Variants in TRAF6 observed in about 807,000 individuals in gnomAD.
TRAF6 encodes the protein TNF receptor associated factor 6, also known as TNF receptor-associated factor 6.
A neutral mutation model predicts 48.4 loss-of-function variants in TRAF6; 10 were observed. The observed-to-expected ratio is 0.21, with a 90% confidence interval of 0.13 to 0.35. TRAF6 has a LOEUF of 0.35. Among genes scored for constraint, TRAF6 ranks in the 10% least tolerant of loss-of-function variants. TRAF6 has a pLI of 1.00. For missense variants in TRAF6, 397 were observed against 661.0 expected (o/e 0.60, Z 4.38); for synonymous variants, 186 against 219.6 (o/e 0.85, Z 1.35).
chr11:36,501,571 A>G, intron 1 of TRAF6, 34 bp from the exon 2 acceptor site: 1 of 1,468,766 alleles, frequency 6.8e-7, no homozygotes, highest in South Asian at 1.3e-5. Flanking sequence ...TGCCTTTATA[A>G]GTAACACACA....
chr11:36,506,523 G>A (rs549170464), intron 1 of TRAF6, among the ~76,000 whole-genome samples: 1 of 152,236 alleles, frequency 6.6e-6, no homozygotes, highest in East Asian at 1.9e-4. Context: ...AAATTATGAA[G>A]CTAGGTGTAT....
intron 1 of TRAF6, among the ~76,000 whole-genome samples, chr11:36,506,771 A>G (rs952461993): frequency 6.6e-6 from 1 of 152,212 alleles, no homozygotes; most frequent in African/African-American, 2.4e-5. Context: ...ATTTGCCTTC[A>G]AGTTTCACAT....
At chr11:36,504,431 A>C (rs1373004170) in intron 1 of TRAF6, among the ~76,000 whole-genome samples, 2 of 152,180 alleles carry the variant, frequency 1.3e-5, no homozygotes, top group East Asian at 3.8e-4. Flanking sequence ...CATCCATAAG[A>C]AGCAACTCCT....
intron 1 of TRAF6, among the ~76,000 whole-genome samples, chr11:36,504,105 G>A (rs1262544637): frequency 6.6e-6 from 1 of 152,152 alleles, no homozygotes; most frequent in Non-Finnish European, 1.5e-5. Context: ...CTGGTAGAGG[G>A]TCCTGCGTCA....
rs1183241142 is a variant in TRAF6, at chr11:36,486,236, A to C, written c.*3602T>G. Among the ~76,000 whole-genome samples the C allele has an allele frequency of 6.6e-6, 1 of 152,072 alleles. No individual in the cohort carries two copies. The highest frequency in any genetic ancestry group is 1.5e-5 in the Non-Finnish European group (1 of 68,028). On this transcript the variant is annotated 3_prime_UTR_variant, in exon 7 of 7. Transcript: ENST00000526995. ...TGTATTTTTATAGAGATGGGGTTTC[A>C]CCATTTTGGCCAGGCTGGTCTCGAA...
In TRAF6 at chr11:36,501,451, G is replaced by A; in HGVS notation, c.65C>T (p.Ala22Val). ...SSQSESDCCV[A>V]MASSCSAVTK... Reference sequence around the variant, plus strand: ...TACAGCGCTACAGGAGCTGGCCATGGCCACACAGCAGTCACTTTCAGACTG... The same window carrying A: ...TACAGCGCTACAGGAGCTGGCCATGACCACACAGCAGTCACTTTCAGACTG... Residue 22 changes from alanine (A) to valine (V), a missense_variant, in exon 2 of 7, where the codon GCC becomes GTC. Transcript: ENST00000526995. 6.2e-7 allele frequency: 1 copy of A among 1,614,048 alleles called. No homozygotes were observed. Among genetic ancestry groups the A allele is most frequent in the South Asian group, 1.1e-5 (1 of 91,080 alleles).
At chr11:36,496,169 T>C (rs1859629776) in intron 4 of TRAF6, among the ~76,000 whole-genome samples, 1 of 152,192 alleles carries the variant, frequency 6.6e-6, no homozygotes, top group Non-Finnish European at 1.5e-5. Flanking sequence ...ATTTCAGGGT[T>C]AGCTTTTTTT....
Position 36,501,207 on chromosome 11 carries a change from T to G in TRAF6, c.296+13A>C. On this transcript the variant is annotated intron_variant, in intron 2 of 6. Transcript: ENST00000526995. ...TCTGTTATAGGACACCATTTTTTCTTATGCTCACGTACCTTATTGATTTTA... is the reference window on the plus strand; with the variant it reads ...TCTGTTATAGGACACCATTTTTTCTGATGCTCACGTACCTTATTGATTTTA... 13 of 1,553,752 alleles carry G rather than the reference T, an allele frequency of 8.4e-6. No homozygotes were observed. Among genetic ancestry groups the G allele is most frequent in the Non-Finnish European group, 1.0e-5 (12 of 1,145,156 alleles).
Position 36,487,124 on chromosome 11 carries a change from A to C in TRAF6, c.*2714T>G, listed in dbSNP as rs1421705096. On this transcript the variant is annotated 3_prime_UTR_variant, in exon 7 of 7. Transcript: ENST00000526995. ...ACAAAACAAAACAACCTTTAGTTGA[A>C]CATCTCCAGAAAAAAGTGGAAACAA... 2.0e-5 allele frequency: 3 copies of C among 152,216 alleles called. No homozygotes were observed. The highest frequency in any genetic ancestry group is 7.2e-5 in the African/African-American group (3 of 41,462). 9.4% of individuals were successfully genotyped at this position (152,216 alleles called of 1,614,324 possible).
intron 1 of TRAF6, among the ~76,000 whole-genome samples, chr11:36,509,719 G>A (rs541757898): frequency 6.6e-6 from 1 of 152,262 alleles, no homozygotes; most frequent in Admixed American, 6.5e-5. Flanking sequence ...CAGGGGACAG[G>A]GAACGGTGTC....
rs1366924242 is a variant in TRAF6, at chr11:36,507,184, T to C, written c.-23+2864A>G. 7.8e-3 allele frequency among the ~76,000 whole-genome samples: 663 copies of C among 85,108 alleles called. 25 individuals carry two copies. The highest frequency in any genetic ancestry group is 0.029 in the African/African-American group (627 of 21,770). 55.8% of individuals were successfully genotyped at this position (85,108 alleles called of 152,430 possible). ...TGTATTATACATACATAAATGTATATATGTATATATACATGTATTATACAT... is the reference window on the plus strand; with the variant it reads ...TGTATTATACATACATAAATGTATACATGTATATATACATGTATTATACAT... On this transcript the variant is annotated intron_variant, in intron 1 of 6. Coordinates refer to ENST00000526995, the MANE Select transcript of TRAF6 (RefSeq NM_004620.4).
At chr11:36,505,439 T>C (rs5030495) in intron 1 of TRAF6, among the ~76,000 whole-genome samples, 2,013 of 152,336 alleles carry the variant, frequency 0.013, 32 homozygotes, top group East Asian at 0.07. Flanking sequence ...AACTTTTCTT[T>C]TGCAGCTTCC....
rs568101484 is a variant in TRAF6 at position 36,489,249 on chromosome 11, C to T, written c.*589G>A. The T allele has an allele frequency of 2.6e-5, 4 of 153,042 alleles. No individual in the cohort carries two copies. In the South Asian group the frequency reaches 8.3e-4, roughly 32 times the overall value. 9.5% of individuals were successfully genotyped at this position (153,042 alleles called of 1,614,324 possible). ...GTTATATTTAGGGTTTAAACTCATC[C>T]CTGAATATCCTTAGTAACAACCTGG... On this transcript the variant is annotated 3_prime_UTR_variant, in exon 7 of 7. Coordinates refer to ENST00000526995, the MANE Select transcript of TRAF6 (RefSeq NM_004620.4).
intron 4 of TRAF6, chr11:36,496,265 T>TAC (rs1859631321): frequency 6.6e-6 from 1 of 152,156 alleles, no homozygotes; most frequent in African/African-American, 2.4e-5. Context: ...TGTTAGGCAC[T>TAC]ACCAAGTTTC....
intron 3 of TRAF6, 148 bp from the exon 4 acceptor site, chr11:36,497,414 T>A: frequency 1.5e-6 from 1 of 678,602 alleles, no homozygotes; most frequent in Non-Finnish European, 2.2e-6. Context: ...AATATGAACG[T>A]CTTTAGCGAA....
At position 36,489,881 on chromosome 11, in the gene TRAF6, C is replaced by T; in HGVS notation, c.1526G>A (p.Arg509Gln). 5 of 1,614,156 alleles carry T rather than the reference C, an allele frequency of 3.1e-6. No individual in the cohort carries two copies. The highest frequency in any genetic ancestry group is 1.1e-5 in the South Asian group (1 of 91,084). The stretch of plus-strand genomic sequence containing the variant: ...ACTTCGTGGCTGAAAACCCTCCCTC[C>T]GAAGGCTACCCATGTCAAAGCGGGT... ...VSTRFDMGSL[R>Q]REGFQPRSTD... Residue 509 changes from arginine to glutamine, a missense_variant, in exon 7 of 7, where the codon CGG becomes CAG. Around this residue, in one of 4 missense-constraint regions of TRAF6, gnomAD observed 74 missense variants for 198.9 expected, o/e 0.37. Transcript: ENST00000526995.
At position 36,508,315 on chromosome 11, in the gene TRAF6, A is replaced by C. The variant is rs564882290; in HGVS notation, c.-23+1733T>G. Among the ~76,000 whole-genome samples the C allele has an allele frequency of 4.1e-4, 63 of 152,056 alleles. 1 individual carries two copies. Among genetic ancestry groups the C allele is most frequent in the Middle Eastern group, 3.4e-3 (1 of 294 alleles). ...ATCTAGTATGATAAGCACTACCTTAAAGATTGTGGAACGTTAACTACTGCT... is the reference window on the plus strand; with the variant it reads ...ATCTAGTATGATAAGCACTACCTTACAGATTGTGGAACGTTAACTACTGCT... On this transcript the variant is annotated intron_variant, in intron 1 of 6. Coordinates refer to ENST00000526995, the MANE Select transcript of TRAF6 (RefSeq NM_004620.4).
Position 36,486,978 on chromosome 11 carries a change from C to G in TRAF6, c.*2860G>C, listed in dbSNP as rs915758565. On this transcript the variant is annotated 3_prime_UTR_variant, in exon 7 of 7. Transcript: ENST00000526995. ...TGGTGGCGGGTGCCTGTAATCCCAG[C>G]TGCTTGGGAGGCTGAGGCAGGAGAA... The G allele has an allele frequency of 6.6e-6, 1 of 152,358 alleles. No individual in the cohort carries two copies. Among genetic ancestry groups the G allele is most frequent in the East Asian group, 1.9e-4 (1 of 5,210 alleles). The allele number at this position is 152,358 out of a possible 1,614,324, so 9.4% of individuals were successfully genotyped here.
chr11:36,509,958 T>C, intron 1 of TRAF6, 90 bp downstream of exon 1: 1 of 151,238 alleles, frequency 6.6e-6, no homozygotes, highest in Non-Finnish European at 1.5e-5. Flanking sequence ...GTCCCCGACC[T>C]GCCGAGAGCG....
Sources: gnomAD v4.1 joint callset for allele counts (sites outside exome capture counted in the v4.1 genomes callset) on GRCh38, gnomAD v4.1.1 for gene constraint, gnomAD v4.1.1 regional missense constraint, MANE v1.5 for transcripts, NCBI Gene and HGNC (gene_info 2026-07-23, HGNC 2026-07-21) for gene names.